The following PTPRN2 variants were observed in gnomAD, a reference collection of about 807,000 sequenced individuals.
PTPRN2 encodes receptor-type tyrosine-protein phosphatase N2.
Under a neutral mutation model 118.8 loss-of-function variants are expected in PTPRN2, and 74 were observed. The ratio of observed to expected loss-of-function variants is 0.62; its 90% CI spans 0.52 to 0.76. The LOEUF (loss-of-function observed/expected upper bound fraction) is 0.76, where lower values mean the gene tolerates loss of function less well. Ranked by LOEUF, PTPRN2 falls within the 30% of genes least tolerant of loss-of-function variation. The pLI, the probability that PTPRN2 is intolerant of heterozygous loss-of-function variation, is 0.00. For synonymous variants in PTPRN2, 641 were observed against 608.0 expected (o/e 1.05, Z -0.80); for missense variants, 1,481 against 1,394.4 (o/e 1.06, Z -0.99).
At chr7:158,143,494 G>A (rs552865161) in intron 6 of PTPRN2, among the ~76,000 whole-genome samples, 12 of 152,316 alleles carry the variant, frequency 7.9e-5, no homozygotes, top group East Asian at 3.9e-4. Flanking sequence ...GAGTCGGCCC[G>A]GCCATAGCTC....
At chr7:158,567,787 C>T (rs1396391716) in intron 1 of PTPRN2, among the ~76,000 whole-genome samples, 1 of 152,144 alleles carries the variant, frequency 6.6e-6, no homozygotes, top group Non-Finnish European at 1.5e-5. Flanking sequence ...TGATGAGGGG[C>T]AGAGAAAACC....
intron 3 of PTPRN2, among the ~76,000 whole-genome samples, chr7:158,298,103 A>C (rs990948072): frequency 6.6e-6 from 1 of 152,080 alleles, no homozygotes; most frequent in Non-Finnish European, 1.5e-5. Flanking sequence ...TTGTGTACTT[A>C]TGCCCTTTTT....
intron 12 of PTPRN2, among the ~76,000 whole-genome samples, chr7:157,731,313 G>C (rs1181796287): frequency 2.0e-5 from 3 of 152,180 alleles, no homozygotes; most frequent in African/African-American, 4.8e-5. Context: ...TAGTTGCATC[G>C]TGTGACAACT....
At chr7:158,194,127 G>C (rs367738334) in intron 4 of PTPRN2, among the ~76,000 whole-genome samples, 1 of 139,416 alleles carries the variant, frequency 7.2e-6, no homozygotes, top group Non-Finnish European at 1.5e-5. Flanking sequence ...GCGCATGTGC[G>C]TGTGTGAGTT....
rs1563471241 is a variant in PTPRN2, at chr7:158,126,617, GCCCCCGGAGAGCGGGCGGCGGAA to G, written c.1556+7037_1556+7059del. 2.6e-5 allele frequency among the ~76,000 whole-genome samples: 2 copies of G among 76,684 alleles called. 1 individual carries two copies. Among genetic ancestry groups the G allele is most frequent in the African/African-American group, 1.3e-4 (2 of 14,954 alleles). 50.3% of individuals were successfully genotyped at this position (76,684 alleles called of 152,430 possible). A position where few individuals can be genotyped will look rare whatever the true frequency, so the allele number is the denominator to read the frequency against. ...GCGGAACTTCCTCTCCGCCACACCAGCCCCCGGAGAGCGGGCGGCGGAACTTCCTCTCCACCACACCAGCCCCC... is the reference window on the plus strand; with the variant it reads ...GCGGAACTTCCTCTCCGCCACACCAGCTTCCTCTCCACCACACCAGCCCCC... On this transcript the variant is annotated intron_variant, in intron 9 of 22. Coordinates refer to ENST00000389418, the MANE Select transcript of PTPRN2 (RefSeq NM_002847.5).
intron 15 of PTPRN2, among the ~76,000 whole-genome samples, chr7:157,613,618 C>T (rs1802538496): frequency 6.6e-6 from 1 of 152,214 alleles, no homozygotes; most frequent in Non-Finnish European, 1.5e-5. Flanking sequence ...GAGGCCGCCG[C>T]GTTCCTTCCC....
At chr7:158,115,768 G>A (rs1207638178) in intron 9 of PTPRN2, among the ~76,000 whole-genome samples, 1 of 152,164 alleles carries the variant, frequency 6.6e-6, no homozygotes, top group African/African-American at 2.4e-5. Context: ...TTATAGCACT[G>A]CGAGTGGACT....
intron 3 of PTPRN2, among the ~76,000 whole-genome samples, chr7:158,312,796 C>T (rs796879187): frequency 6.6e-5 from 10 of 151,170 alleles, no homozygotes; most frequent in African/African-American, 2.4e-4. Flanking sequence ...CACACCTGCA[C>T]ACTCATTCAC....
intron 1 of PTPRN2, chr7:158,537,687 C>G (rs778486516): frequency 6.6e-6 from 1 of 152,382 alleles, no homozygotes; most frequent in African/African-American, 2.4e-5. Flanking sequence ...GTGGGCACCC[C>G]GCAGAGCACC....
intron 13 of PTPRN2, among the ~76,000 whole-genome samples, chr7:157,662,197 C>T (rs1563318758): frequency 6.6e-6 from 1 of 152,160 alleles, no homozygotes; most frequent in East Asian, 1.9e-4. Context: ...GATAATGGTA[C>T]CGACTTCACC....
In PTPRN2 at chr7:157,673,472, C is replaced by T. The variant is rs143726993; in HGVS notation, c.2001+9253G>A. ...CCATGGAACAGGAAAAGCCGCTGTT[C>T]AGACACCTGCAGAAATGCCTGACTC... is the stretch of plus-strand genomic sequence containing the variant. On this transcript the variant is annotated intron_variant, in intron 13 of 22. Transcript: ENST00000389418. Among the ~76,000 whole-genome samples, 1,350 of 152,344 alleles carry T rather than the reference C, an allele frequency of 8.9e-3. 9 individuals are homozygous for T. Among genetic ancestry groups the T allele is most frequent in the Non-Finnish European group, 0.015 (1,017 of 68,034 alleles).
chr7:158,531,780 G>C (rs192676638), intron 1 of PTPRN2, among the ~76,000 whole-genome samples: 167 of 152,226 alleles, frequency 1.1e-3, no homozygotes, highest in Middle Eastern at 6.8e-3. Context: ...CCCACCACCT[G>C]CCCTCTGCTC....
chr7:158,240,353 C>G (rs1795838247), intron 3 of PTPRN2, among the ~76,000 whole-genome samples: 1 of 152,018 alleles, frequency 6.6e-6, no homozygotes, highest in Non-Finnish European at 1.5e-5. Context: ...AGAATACTAC[C>G]CAATATTAGT....
chr7:157,843,006 G>C (rs1477406862), intron 12 of PTPRN2, among the ~76,000 whole-genome samples: 1 of 152,150 alleles, frequency 6.6e-6, no homozygotes, highest in African/African-American at 2.4e-5. Context: ...CTAAAGTCAT[G>C]CTCTGTGAAC....
At chr7:157,564,442 C>T (rs1196701912) in intron 21 of PTPRN2, among the ~76,000 whole-genome samples, 2 of 152,188 alleles carry the variant, frequency 1.3e-5, no homozygotes, top group African/African-American at 4.8e-5. Flanking sequence ...AACTGGACTT[C>T]ATCAAAATTG....
intron 1 of PTPRN2, among the ~76,000 whole-genome samples, chr7:158,495,474 C>T (rs574985297): frequency 2.6e-5 from 4 of 152,122 alleles, no homozygotes; most frequent in Non-Finnish European, 5.9e-5. Context: ...TGAGGATGCG[C>T]CCTGCCCACT....
At chr7:158,138,614 C>T (rs1819073296) in intron 6 of PTPRN2, 99 bp from the exon 7 acceptor site, 1 of 1,166,340 alleles carries the variant, frequency 8.6e-7, no homozygotes, top group South Asian at 1.4e-5. Flanking sequence ...TGCGGCGTCC[C>T]AAGGCAGTGG....
chr7:158,149,487 C>G (rs906500664), intron 6 of PTPRN2, among the ~76,000 whole-genome samples: 1 of 151,690 alleles, frequency 6.6e-6, no homozygotes, highest in Admixed American at 6.6e-5. Context: ...CAAAGGCAAT[C>G]CAATTAACTC....
rs1827610546 is a variant in PTPRN2 at position 158,565,373 on chromosome 7, A to C, written c.112+22185T>G. The stretch of plus-strand genomic sequence containing the variant: ...CCAGGAACTTTGCAAATTACCTCTC[A>C]TCCTGAGAGGTGAGACAGAGCCAGC... On this transcript the variant is annotated intron_variant, in intron 1 of 22. Transcript: ENST00000389418. The surrounding 1 kb of genome is among the most constrained non-coding windows in gnomAD (Gnocchi z 4.6). 6.6e-6 allele frequency among the ~76,000 whole-genome samples: 1 copy of C among 152,188 alleles called. No homozygotes were observed. The highest frequency in any genetic ancestry group is 1.5e-5 in the Non-Finnish European group (1 of 68,024).
Sources: allele counts gnomAD v4.1 joint callset (sites outside exome capture counted in the v4.1 genomes callset), GRCh38; gene constraint gnomAD v4.1.1; non-coding constraint Gnocchi (gnomAD v3.1); transcripts MANE v1.5; gene names NCBI Gene and HGNC (gene_info 2026-07-23, HGNC 2026-07-21).